The following CCDC73 variants were observed in gnomAD, a reference collection of about 807,000 sequenced individuals.
CCDC73 encodes the protein coiled-coil domain-containing protein 73.
In CCDC73, 95 loss-of-function variants were observed where a neutral mutation model predicts 116.5. The ratio of observed to expected loss-of-function variants is 0.82; its 90% CI spans 0.69 to 0.97. The LOEUF (loss-of-function observed/expected upper bound fraction) is 0.97, where lower values mean the gene tolerates loss of function less well. Among genes scored for constraint, CCDC73 ranks in the 50% least tolerant of loss-of-function variants. The probability of loss-of-function intolerance (pLI) is 0.00; values close to 1 mark genes in which losing one functional copy is unlikely to be tolerated. For missense variants in CCDC73, 1,066 were observed against 1,206.8 expected (o/e 0.88, Z 1.73); for synonymous variants, 398 against 401.3 (o/e 0.99, Z 0.10).
At chr11:32,629,461 C>T (rs1053857958) in intron 14 of CCDC73, among the ~76,000 whole-genome samples, 5 of 150,510 alleles carry the variant, frequency 3.3e-5, no homozygotes, top group Non-Finnish European at 7.4e-5. Context: ...GCTGGAGTGG[C>T]GCGATCTCGG....
the CCDC73 span, among the ~76,000 whole-genome samples, chr11:32,804,711 T>G: frequency 6.6e-6 from 1 of 152,264 alleles, no homozygotes; most frequent in South Asian, 2.1e-4. Context: ...TTAGTCCATT[T>G]GTTTTATGAT....
At chr11:32,725,409 T>A (rs999200412) in intron 2 of CCDC73, among the ~76,000 whole-genome samples, 17 of 152,158 alleles carry the variant, frequency 1.1e-4, no homozygotes, top group Admixed American at 1.1e-3. Flanking sequence ...TGATACTATC[T>A]GAGGTTTCAG....
intron 4 of CCDC73, 89 bp downstream of exon 4, chr11:32,702,784 T>C: frequency 1.1e-6 from 1 of 891,344 alleles, no homozygotes; most frequent in Non-Finnish European, 1.9e-6. Context: ...CTTTGGTGAC[T>C]ATGGAGAACA....
intron 9 of CCDC73, among the ~76,000 whole-genome samples, chr11:32,658,460 A>G (rs1565068540): frequency 6.6e-6 from 1 of 152,358 alleles, no homozygotes; most frequent in East Asian, 1.9e-4. Flanking sequence ...ATGCTTGTTA[A>G]GAAGCAATAA....
intron 17 of CCDC73, chr11:32,604,544 T>G (rs932679547): frequency 9.2e-5 from 14 of 152,246 alleles, no homozygotes; most frequent in African/African-American, 3.4e-4. Context: ...TGTATACACT[T>G]TTTAAATACT....
intron 2 of CCDC73, among the ~76,000 whole-genome samples, chr11:32,743,587 C>A (rs539149770): frequency 2.0e-5 from 3 of 152,272 alleles, no homozygotes. Context: ...TTTCCTTGAA[C>A]AGTGGTTTGT....
intron 14 of CCDC73, among the ~76,000 whole-genome samples, chr11:32,630,747 T>G (rs1460852412): frequency 6.6e-6 from 1 of 152,070 alleles, no homozygotes; most frequent in Non-Finnish European, 1.5e-5. Flanking sequence ...GCAAACAATA[T>G]GTACATTTTA....
chr11:32,794,205 T>A (rs921954288), intron 1 of CCDC73: 3 of 152,160 alleles, frequency 2.0e-5, no homozygotes, highest in African/African-American at 7.2e-5. Context: ...CAGAGTTGTT[T>A]GAAAATTTTC....
rs1318367473 is a variant in CCDC73 at position 32,760,229 on chromosome 11, G to GA, written c.14dup (p.Asn6GlnfsTer3). 1.3e-6 allele frequency: 2 copies of GA among 1,563,706 alleles called. No homozygotes were observed. The highest frequency in any genetic ancestry group is 1.7e-6 in the Non-Finnish European group (2 of 1,151,714). On this transcript the variant is annotated frameshift_variant, in exon 2 of 18. Coordinates refer to ENST00000335185, the MANE Select transcript of CCDC73 (RefSeq NM_001008391.4). LOFTEE classifies it high-confidence loss of function. ...TAAAAGTAGATGATGACTCAGTATT[G>GA]AAGTTGCTTTCCATATTAATATTTA... is the stretch of plus-strand genomic sequence containing the variant.
At position 32,614,365 on chromosome 11, in the gene CCDC73, A is replaced by G. The variant is rs775450520; in HGVS notation, c.1953T>C (p.Ser651=). 1 of 1,611,994 alleles carries G rather than the reference A, an allele frequency of 6.2e-7. No individual in the cohort carries two copies. Among genetic ancestry groups the G allele is most frequent in the South Asian group, 1.1e-5 (1 of 91,004 alleles). The part of the protein sequence containing the change: ...PCQKYSLRNS[S]NVMLDDKQCK... The stretch of plus-strand genomic sequence containing the variant: ...ATTGTTTATCATCTAACATAACATT[A>G]CTTGAATTCCGTAAACTATATTTCT... The change falls in exon 16 of 18, where the codon AGT becomes AGC. Residue 651 remains serine (S), a synonymous_variant. Transcript: ENST00000335185.
intron 6 of CCDC73, among the ~76,000 whole-genome samples, chr11:32,685,853 C>G (rs1050432790): frequency 6.6e-6 from 1 of 151,088 alleles, no homozygotes; most frequent in African/African-American, 2.4e-5. Context: ...TCCCGAGTAG[C>G]TGGGACTACA....
intron 2 of CCDC73, among the ~76,000 whole-genome samples, chr11:32,738,853 G>C (rs550665503): frequency 3.9e-5 from 6 of 152,092 alleles, no homozygotes; most frequent in Non-Finnish European, 7.4e-5. Context: ...TAAGTCTTTA[G>C]TCCATTTTGG....
intron 3 of CCDC73, among the ~76,000 whole-genome samples, chr11:32,707,609 A>T (rs900717030): frequency 2.0e-5 from 3 of 152,164 alleles, no homozygotes; most frequent in Admixed American, 6.5e-5. Context: ...AAAGATGTGG[A>T]GAGTTGTAAG....
At chr11:32,641,905 T>G in intron 13 of CCDC73, 67 bp downstream of exon 13, 1 of 1,144,076 alleles carries the variant, frequency 8.7e-7, no homozygotes, top group East Asian at 3.2e-5. Context: ...TTCTTAGCAT[T>G]TATAGTTATT....
intron 9 of CCDC73, among the ~76,000 whole-genome samples, chr11:32,661,164 A>G (rs2133270294): frequency 6.6e-6 from 1 of 152,328 alleles, no homozygotes; most frequent in African/African-American, 2.4e-5. Context: ...CAAGGTGGTG[A>G]CATGCTAGTC....
At chr11:32,627,706 A>C (rs1855589083) in intron 14 of CCDC73, among the ~76,000 whole-genome samples, 1 of 152,212 alleles carries the variant, frequency 6.6e-6, no homozygotes, top group South Asian at 2.1e-4. Flanking sequence ...CATTCTCAGC[A>C]AACTATCGCA....
chr11:32,808,364 C>T, the CCDC73 span, among the ~76,000 whole-genome samples: 1 of 152,130 alleles, frequency 6.6e-6, no homozygotes, highest in Non-Finnish European at 1.5e-5. Context: ...GTGGGCTGGG[C>T]GCGGTGGCTC....
chr11:32,710,141 T>A (rs1849886756), intron 3 of CCDC73, among the ~76,000 whole-genome samples: 2 of 152,172 alleles, frequency 1.3e-5, no homozygotes, highest in South Asian at 2.1e-4. Flanking sequence ...TTCCAAAGAA[T>A]CAGTTTTTTG....
intron 14 of CCDC73, among the ~76,000 whole-genome samples, chr11:32,620,241 G>C (rs1855511526): frequency 6.6e-6 from 1 of 152,046 alleles, no homozygotes; most frequent in Non-Finnish European, 1.5e-5. Context: ...CTGTTGGCTG[G>C]GGTGCCTAAA....
Sources: allele counts gnomAD v4.1 joint callset (sites outside exome capture counted in the v4.1 genomes callset), GRCh38; gene constraint gnomAD v4.1.1; transcripts MANE v1.5; gene names NCBI Gene and HGNC (gene_info 2026-07-23, HGNC 2026-07-21).